The following HOMER1 variants were observed in gnomAD, a reference collection of about 807,000 sequenced individuals.
The protein encoded by HOMER1 is homer scaffold protein 1, also known as homer protein homolog 1.
A neutral mutation model predicts 48.9 loss-of-function variants in HOMER1; 3 were observed. The observed-to-expected ratio is 0.06, with a 90% CI of 0.03 to 0.16. The LOEUF (loss-of-function observed/expected upper bound fraction) is 0.16. Ranked by LOEUF, HOMER1 falls within the 10% of genes least tolerant of loss-of-function variation. HOMER1 has a pLI of 1.00. For synonymous variants in HOMER1, 134 were observed against 146.4 expected (o/e 0.92, Z 0.61); for missense variants, 247 against 411.4 (o/e 0.60, Z 3.46).
intron 2 of HOMER1, among the ~76,000 whole-genome samples, chr5:79,454,234 C>A (rs1223758549): frequency 6.6e-6 from 1 of 152,136 alleles, no homozygotes; most frequent in African/African-American, 2.4e-5. Flanking sequence ...CAAATGAAAT[C>A]TATTTAATCA....
At chr5:79,497,662 G>GAAA (rs1212983044) in intron 1 of HOMER1, among the ~76,000 whole-genome samples, 17 of 73,076 alleles carry the variant, frequency 2.3e-4, no homozygotes, top group African/African-American at 4.6e-4. Flanking sequence ...CTGTCTCAAA[G>GAAA]AAAAAAAAAA....
At chr5:79,459,178 G>A (rs1751250266) in intron 1 of HOMER1, among the ~76,000 whole-genome samples, 1 of 151,948 alleles carries the variant, frequency 6.6e-6, no homozygotes, top group Admixed American at 6.5e-5. Context: ...GTGATTATAA[G>A]AATGTGTTCT....
At chr5:79,501,310 A>G (rs1182816299) in intron 1 of HOMER1, among the ~76,000 whole-genome samples, 2 of 152,112 alleles carry the variant, frequency 1.3e-5, no homozygotes, top group Non-Finnish European at 2.9e-5. Flanking sequence ...AGCTTACTTT[A>G]TTGTACGAAT....
chr5:79,446,958 A>G (rs1750903332), intron 4 of HOMER1, 95 bp downstream of exon 4: 4 of 790,462 alleles, frequency 5.1e-6, no homozygotes, highest in Non-Finnish European at 2.1e-6. Context: ...TAAAGGGTGC[A>G]TTTCTGTGTG....
chr5:79,445,982 G>A (rs961966363), intron 4 of HOMER1, among the ~76,000 whole-genome samples: 3 of 152,188 alleles, frequency 2.0e-5, no homozygotes, highest in Non-Finnish European at 4.4e-5. Flanking sequence ...GTGCACGCAC[G>A]TGCATGTATT....
At chr5:79,378,222 C>G (rs34857973) in intron 8 of HOMER1, among the ~76,000 whole-genome samples, 1 of 85,562 alleles carries the variant, frequency 1.2e-5, no homozygotes, top group Non-Finnish European at 2.6e-5. Context: ...GACTCTGTCT[C>G]AAAAAAAAAA....
chr5:79,502,751 G>T (rs760698826), intron 1 of HOMER1, among the ~76,000 whole-genome samples: 43 of 152,294 alleles, frequency 2.8e-4, no homozygotes, highest in Non-Finnish European at 5.3e-4. Flanking sequence ...CAATTTGTGA[G>T]TTAAGGGCAT....
chr5:79,422,431 G>T (rs1424288915), intron 5 of HOMER1, among the ~76,000 whole-genome samples: 1 of 151,888 alleles, frequency 6.6e-6, no homozygotes, highest in Non-Finnish European at 1.5e-5. Flanking sequence ...TCTCCATATG[G>T]TGACTTAAAA....
At chr5:79,441,324 T>C (rs1422805305) in intron 4 of HOMER1, among the ~76,000 whole-genome samples, 1 of 152,154 alleles carries the variant, frequency 6.6e-6, no homozygotes, top group Non-Finnish European at 1.5e-5. Context: ...GTTTGACTCA[T>C]GGTTGTTACC....
At chr5:79,418,216 A>G (rs1471175087) in intron 5 of HOMER1, among the ~76,000 whole-genome samples, 1 of 152,252 alleles carries the variant, frequency 6.6e-6, no homozygotes, top group Non-Finnish European at 1.5e-5. Context: ...AGTATTATGC[A>G]AATGAATTCT....
At chr5:79,458,627 C>T (rs1281248851) in intron 1 of HOMER1, among the ~76,000 whole-genome samples, 2 of 152,052 alleles carry the variant, frequency 1.3e-5, no homozygotes, top group African/African-American at 2.4e-5. Context: ...GGTAACCTGG[C>T]ACTTTCCTAG....
chr5:79,431,012 C>T (rs1750408282), intron 5 of HOMER1, among the ~76,000 whole-genome samples: 1 of 151,922 alleles, frequency 6.6e-6, no homozygotes, highest in South Asian at 2.1e-4. Flanking sequence ...CATACTGATA[C>T]ATTCTATAAC....
chr5:79,451,074 T>C lies in HOMER1; in HGVS notation c.210A>G (p.Thr70=), dbSNP rs1359565869. ...TITPNMTFTK[T]SQKFGQWADS... ...CAGCCCACTGGCCAAACTTCTGAGA[T>C]GTTTTAGTAAATGTCATGTTTGGGG... is the stretch of plus-strand genomic sequence containing the variant. The change falls in exon 3 of 9, where the codon ACA becomes ACG. Residue 70 remains threonine (T), a synonymous_variant. Coordinates refer to ENST00000334082, the MANE Select transcript of HOMER1 (RefSeq NM_004272.5). The C allele has an allele frequency of 1.9e-6, 3 of 1,613,948 alleles. No individual in the cohort carries two copies. The highest frequency in any genetic ancestry group is 4.5e-5 in the East Asian group (2 of 44,870).
intron 1 of HOMER1, among the ~76,000 whole-genome samples, chr5:79,485,591 C>T (rs756807634): frequency 2.0e-5 from 3 of 152,134 alleles, no homozygotes; most frequent in Admixed American, 1.3e-4. Flanking sequence ...AGGTCCAATG[C>T]TAGGTACTTA....
chr5:79,403,256 C>A (rs182452899), intron 5 of HOMER1, among the ~76,000 whole-genome samples: 68 of 152,202 alleles, frequency 4.5e-4, no homozygotes, highest in Admixed American at 1.0e-3. Flanking sequence ...TTATAGCTTT[C>A]TTCAATCACC....
chr5:79,377,196 C>T (rs1354764527), intron 8 of HOMER1, among the ~76,000 whole-genome samples: 1 of 152,160 alleles, frequency 6.6e-6, no homozygotes, highest in Non-Finnish European at 1.5e-5. Context: ...GAACTCTTGA[C>T]CTCCAGTGAT....
intron 1 of HOMER1, among the ~76,000 whole-genome samples, chr5:79,503,627 G>C (rs1580046096): frequency 6.6e-6 from 1 of 151,346 alleles, no homozygotes; most frequent in East Asian, 1.9e-4. Flanking sequence ...GTTCACCCGA[G>C]GTCAGAAGTT....
Position 79,455,685 on chromosome 5 carries a change from G to A in HOMER1, c.162+1177C>T, listed in dbSNP as rs183132995. Among the ~76,000 whole-genome samples the A allele has an allele frequency of 4.8e-3, 730 of 152,328 alleles. 5 individuals are homozygous for A. Among genetic ancestry groups the A allele is most frequent in the Non-Finnish European group, 5.4e-3 (370 of 68,038 alleles). Reference sequence around the variant, plus strand: ...AAACCAGTCAGTCTGGCTCTACAGTGTGTGCACTTAACCCCTTCTTCATTT... The same window carrying A: ...AAACCAGTCAGTCTGGCTCTACAGTATGTGCACTTAACCCCTTCTTCATTT... On this transcript the variant is annotated intron_variant, in intron 2 of 8. Transcript: ENST00000334082.
chr5:79,386,114 A>T (rs924583948), intron 8 of HOMER1, among the ~76,000 whole-genome samples: 4 of 152,188 alleles, frequency 2.6e-5, no homozygotes, highest in African/African-American at 7.2e-5. Flanking sequence ...CCAATACTGG[A>T]TATATGTCCA....
Sources: gnomAD v4.1 joint callset for allele counts (sites outside exome capture counted in the v4.1 genomes callset) on GRCh38, gnomAD v4.1.1 for gene constraint, MANE v1.5 for transcripts, NCBI Gene and HGNC (gene_info 2026-07-23, HGNC 2026-07-21) for gene names.